CABLES1: variants seen among roughly 807,000 people sequenced by gnomAD.
CABLES1 encodes the protein CDK5 and ABL1 enzyme substrate 1.
A neutral mutation model predicts 57.8 loss-of-function variants in CABLES1; 36 were observed. The ratio of observed to expected loss-of-function variants is 0.62; its 90% CI spans 0.48 to 0.82. CABLES1 has a LOEUF of 0.82. Ranked by LOEUF, CABLES1 falls within the 40% of genes least tolerant of loss-of-function variation. The pLI is 0.00. For missense variants in CABLES1, 767 were observed against 836.6 expected, an observed-to-expected ratio of 0.92 and a Z score of 1.03; for synonymous variants, 374 against 363.0, an observed-to-expected ratio of 1.03 and a Z score of -0.35.
At chr18:23,250,240 G>T (rs1210751935) in intron 7 of CABLES1, among the ~76,000 whole-genome samples, 1 of 152,216 alleles carries the variant, frequency 6.6e-6, no homozygotes, top group African/African-American at 2.4e-5. Context: ...AAAGGCAGAT[G>T]ACTTTACTTG....
At chr18:23,151,604 A>G (rs1373870210) in intron 1 of CABLES1, among the ~76,000 whole-genome samples, 1 of 152,212 alleles carries the variant, frequency 6.6e-6, no homozygotes, top group Non-Finnish European at 1.5e-5. Flanking sequence ...GGAAGACTGC[A>G]GGCCTGGGGT....
chr18:23,214,376 A>T (rs1197117784), intron 4 of CABLES1: 1 of 215,928 alleles, frequency 4.6e-6, no homozygotes, highest in Non-Finnish European at 9.1e-6. Context: ...TTTGGAAAAA[A>T]GGTAGGTCAA....
chr18:23,220,233 T>C lies in CABLES1; in HGVS notation c.1088+6179T>C, dbSNP rs141220104. Among the ~76,000 whole-genome samples the C allele has an allele frequency of 5.5e-3, 844 of 152,282 alleles. 12 individuals carry two copies. The highest frequency in any genetic ancestry group is 8.0e-3 in the Admixed American group (122 of 15,296). On this transcript the variant is annotated intron_variant, in intron 4 of 9. Transcript: ENST00000256925. ...ACATTTCTCTAGGATTAACGAAGGG[T>C]GCAGTCAAGCATGTGTGTGAATGTG...
chr18:23,156,089 T>G (rs113542815), intron 1 of CABLES1: 22 of 1,002,500 alleles, frequency 2.2e-5, no homozygotes, highest in African/African-American at 7.9e-5. Flanking sequence ...TCAGTCCTGA[T>G]GTGGGCCAGC....
chr18:23,199,492 TACAA>T (rs2047308101), intron 3 of CABLES1, among the ~76,000 whole-genome samples: 4 of 152,212 alleles, frequency 2.6e-5, no homozygotes, highest in Non-Finnish European at 5.9e-5. Flanking sequence ...GCTGTATCCA[TACAA>T]TGGAGTAGTA....
chr18:23,140,430 TTTTC>T (rs1166136765), intron 1 of CABLES1, among the ~76,000 whole-genome samples: 2 of 140,244 alleles, frequency 1.4e-5, no homozygotes, highest in East Asian at 2.0e-4. Context: ...CTTTCTTTCG[TTTTC>T]TTTCTTTTTT....
chr18:23,212,944 G>A (rs942694584), intron 3 of CABLES1, among the ~76,000 whole-genome samples: 3 of 152,150 alleles, frequency 2.0e-5, no homozygotes, highest in Non-Finnish European at 2.9e-5. Context: ...AGGATTTTTT[G>A]TTAAGGTGGG....
In CABLES1 at chr18:23,136,512, C is replaced by A; in HGVS notation, c.750C>A (p.Ile250=). The A allele has an allele frequency of 6.3e-7, 1 of 1,595,516 alleles. No individual in the cohort carries two copies. Among genetic ancestry groups the A allele is most frequent in the African/African-American group, 1.3e-5 (1 of 74,162 alleles). Residue 250 remains isoleucine (I), a synonymous_variant, in exon 1 of 10, where the codon ATC becomes ATA. Transcript: ENST00000256925. ...LNSFTQGILP[I]AFSRPTSQNY... ...CGTTCACTCAGGGAATCCTGCCCAT[C>A]GCCTTCTCCAGGCCGACTTCGCAGA...
chr18:23,211,970 G>A (rs958071190), intron 3 of CABLES1, among the ~76,000 whole-genome samples: 25 of 152,340 alleles, frequency 1.6e-4, no homozygotes, highest in African/African-American at 5.5e-4. Context: ...AGTCCACTCT[G>A]GACATGATGC....
At chr18:23,181,994 C>T in intron 1 of CABLES1, among the ~76,000 whole-genome samples, 1 of 152,188 alleles carries the variant, frequency 6.6e-6, no homozygotes, top group Non-Finnish European at 1.5e-5. Context: ...TGTGAAGAAG[C>T]AACTGTGCCA....
At chr18:23,236,686 T>C (rs973192017) in intron 6 of CABLES1, among the ~76,000 whole-genome samples, 4 of 152,226 alleles carry the variant, frequency 2.6e-5, no homozygotes, top group Admixed American at 2.6e-4. Context: ...CGTTCGCAGC[T>C]GTGCCTTGGT....
rs1420431497 is a variant in CABLES1 at position 23,135,939 on chromosome 18, G to A, written c.177G>A (p.Pro59=). Reference sequence around the variant, plus strand: ...CCCCCCGGAAGCCGCGCATGGACCCGCGGCGCCGCCAGGCTGCCCTCTCCT... The same window carrying A: ...CCCCCCGGAAGCCGCGCATGGACCCACGGCGCCGCCAGGCTGCCCTCTCCT... The part of the protein sequence containing the change: ...PEPPRKPRMD[P]RRRQAALSFL... The change falls in exon 1 of 10, where the codon CCG becomes CCA. Residue 59 remains proline (P), a synonymous_variant. Transcript: ENST00000256925. 2 of 1,118,282 alleles carry A rather than the reference G, an allele frequency of 1.8e-6. No individual in the cohort carries two copies. Among genetic ancestry groups the A allele is most frequent in the Non-Finnish European group, 2.2e-6 (2 of 919,166 alleles). 69.3% of individuals were successfully genotyped at this position (1,118,282 alleles called of 1,614,324 possible).
chr18:23,209,553 CT>C (rs2047388450), intron 3 of CABLES1, among the ~76,000 whole-genome samples: 1 of 152,150 alleles, frequency 6.6e-6, no homozygotes, highest in Non-Finnish European at 1.5e-5. Context: ...GTGGACACCC[CT>C]GGGCTGTGTT....
chr18:23,235,957 A>G lies in CABLES1; in HGVS notation c.1248A>G (p.Ile416Met), dbSNP rs766390808. 4 of 1,614,170 alleles carry G rather than the reference A, an allele frequency of 2.5e-6. No individual in the cohort carries two copies. The highest frequency in any genetic ancestry group is 3.3e-5 in the Admixed American group (2 of 60,018). The part of the protein sequence containing the change: ...TNAFGARRNT[I>M]DSTSSFSQFR... ...CCTTTGGAGCCCGGAGAAATACCAT[A>G]GACTCCACCTCCTCTTTCTCCCAGT... The change falls in exon 6 of 10, where the codon ATA becomes ATG. Residue 416 changes from isoleucine (I) to methionine (M), a missense_variant. Physicochemically the swap from Ile to Met is conservative, Grantham distance 10. Around this residue, in one of 4 missense-constraint regions of CABLES1, gnomAD observed 529 missense variants for 622.8 expected, o/e 0.85. Coordinates refer to ENST00000256925, the MANE Select transcript of CABLES1 (RefSeq NM_001100619.3).
In CABLES1 at chr18:23,136,041, G is replaced by A; in HGVS notation, c.279G>A (p.Ala93=). The change falls in exon 1 of 10, where the codon GCG becomes GCA. Residue 93 remains alanine, a synonymous_variant. Coordinates refer to ENST00000256925, the MANE Select transcript of CABLES1 (RefSeq NM_001100619.3). The part of the protein sequence containing the change: ...AEWGGGEEGG[A]AKPGAGGACG... ...GGGGCGGTGGCGAGGAGGGCGGCGC[G>A]GCCAAGCCGGGCGCCGGCGGCGCCT... 8.8e-7 allele frequency: 1 copy of A among 1,135,464 alleles called. No homozygotes were observed. The highest frequency in any genetic ancestry group is 1.1e-6 in the Non-Finnish European group (1 of 930,028). The allele number at this position is 1,135,464 out of a possible 1,614,324, so 70.3% of individuals were successfully genotyped here. A position where few individuals can be genotyped will look rare whatever the true frequency, so the allele number is the denominator to read the frequency against.
intron 1 of CABLES1, among the ~76,000 whole-genome samples, chr18:23,183,816 T>C (rs1878060190): frequency 6.6e-6 from 1 of 152,224 alleles, no homozygotes; most frequent in African/African-American, 2.4e-5. Context: ...GGAGTTTGCA[T>C]AGTAATGGAC....
intron 7 of CABLES1, among the ~76,000 whole-genome samples, chr18:23,247,320 C>T (rs1011634032): frequency 6.6e-6 from 1 of 152,258 alleles, no homozygotes; most frequent in Non-Finnish European, 1.5e-5. Flanking sequence ...GGACTGTCAT[C>T]CCCTCTGGAA....
Position 23,253,884 on chromosome 18 carries a change from CAG to C in CABLES1, c.1710_1711del (p.Ala571GlnfsTer5). On this transcript the variant is annotated frameshift_variant, in exon 9 of 10. Coordinates refer to ENST00000256925, the MANE Select transcript of CABLES1 (RefSeq NM_001100619.3). LOFTEE classifies it high-confidence loss of function. The stretch of plus-strand genomic sequence containing the variant: ...TGTGCTGGGGCATGTGTGCTGTTAG[CAG>C]CCAAAATTGGAAGTGACCTCAAAAA... 6.2e-7 allele frequency: 1 copy of C among 1,614,186 alleles called. No homozygotes were observed. Among genetic ancestry groups the C allele is most frequent in the Non-Finnish European group, 8.5e-7 (1 of 1,180,032 alleles).
rs150590630 is a variant in CABLES1, at chr18:23,213,404, A to G, written c.1011-573A>G. ...AAGTGGCTTTTGATTGCATAAGACC[A>G]TCATGTAGAGCTGTTTCCAGTAGTA... is the stretch of plus-strand genomic sequence containing the variant. On this transcript the variant is annotated intron_variant, in intron 3 of 9. Transcript: ENST00000256925. 1.6e-3 allele frequency among the ~76,000 whole-genome samples: 240 copies of G among 152,216 alleles called. 1 individual carries two copies. The highest frequency in any genetic ancestry group is 5.5e-3 in the African/African-American group (230 of 41,532).
Sources: allele counts gnomAD v4.1 joint callset (sites outside exome capture counted in the v4.1 genomes callset), GRCh38; gene constraint gnomAD v4.1.1; regional missense constraint gnomAD v4.1.1; transcripts MANE v1.5; gene names NCBI Gene and HGNC (gene_info 2026-07-23, HGNC 2026-07-21).